CCDC47: variants seen among roughly 807,000 people sequenced by gnomAD.
CCDC47 encodes the protein PAT complex subunit CCDC47.
Under a neutral mutation model 60.5 loss-of-function variants are expected in CCDC47, and 41 were observed. That is an observed-to-expected ratio of 0.68 (90% CI 0.53 to 0.88). CCDC47 has a LOEUF of 0.88. Among genes scored for constraint, CCDC47 ranks in the 40% least tolerant of loss-of-function variants. CCDC47 has a pLI of 0.00. For synonymous variants in CCDC47, 195 were observed against 190.7 expected (o/e 1.02, Z -0.18); for missense variants, 513 against 580.9 (o/e 0.88, Z 1.20).
At chr17:63,748,633 A>T (rs2039138355) in intron 12 of CCDC47, among the ~76,000 whole-genome samples, 1 of 152,176 alleles carries the variant, frequency 6.6e-6, no homozygotes, top group Non-Finnish European at 1.5e-5. Flanking sequence ...CACATGTGTA[A>T]AACTAATGAT....
intron 1 of CCDC47, among the ~76,000 whole-genome samples, chr17:63,768,323 A>G (rs1204844612): frequency 1.3e-5 from 2 of 152,216 alleles, no homozygotes; most frequent in African/African-American, 4.8e-5. Flanking sequence ...AATATTATTT[A>G]TGATGGTGAA....
chr17:63,762,208 T>C (rs973828940), intron 4 of CCDC47: 15 of 985,254 alleles, frequency 1.5e-5, no homozygotes, highest in Non-Finnish European at 1.8e-5. Flanking sequence ...ACAAAAGAAA[T>C]TGCTCAACCT....
At chr17:63,759,935 A>T (rs1598308738) in intron 6 of CCDC47, among the ~76,000 whole-genome samples, 3 of 151,246 alleles carry the variant, frequency 2.0e-5, no homozygotes, top group Admixed American at 2.0e-4. Flanking sequence ...GTGGTGGCGG[A>T]CGCCTGTAGT....
chr17:63,766,960 A>G (rs1445330633), intron 1 of CCDC47: 2 of 983,726 alleles, frequency 2.0e-6, no homozygotes, highest in Admixed American at 6.1e-5. Context: ...CATAATTATC[A>G]TAAGAGCAAA....
chr17:63,754,949 T>C (rs1464133684), intron 8 of CCDC47, among the ~76,000 whole-genome samples: 1 of 152,074 alleles, frequency 6.6e-6, no homozygotes, highest in Non-Finnish European at 1.5e-5. Flanking sequence ...ATGTCCTTCA[T>C]TAAGACCAAA....
At chr17:63,747,805 A>T in intron 12 of CCDC47, 1 of 985,066 alleles carries the variant, frequency 1.0e-6, no homozygotes, top group Non-Finnish European at 1.2e-6. Context: ...TTAGGTTTCA[A>T]AGGGTGATTT....
rs372835120 is a variant in CCDC47, at chr17:63,751,706, T to C, written c.1371+234A>G. On this transcript the variant is annotated intron_variant, in intron 12 of 12. Transcript: ENST00000225726. ...TAATGGAATTTTCAAAATGAAATTGTGCTGGGGGAACAGGATAATACTGAT... is the reference window on the plus strand; with the variant it reads ...TAATGGAATTTTCAAAATGAAATTGCGCTGGGGGAACAGGATAATACTGAT... 24 of 584,350 alleles carry C rather than the reference T, an allele frequency of 4.1e-5. No homozygotes were observed. The East Asian group carries it at 6.4e-4, about 16-fold the overall frequency. 36.2% of individuals were successfully genotyped at this position (584,350 alleles called of 1,614,324 possible).
At chr17:63,754,791 G>A (rs752076972) in intron 8 of CCDC47, among the ~76,000 whole-genome samples, 2 of 151,340 alleles carry the variant, frequency 1.3e-5, no homozygotes, top group Non-Finnish European at 2.9e-5. Context: ...GCTGAGGCAC[G>A]AGAAGCGTTT....
chr17:63,745,984 G>C lies in CCDC47; in HGVS notation c.*897C>G, dbSNP rs1217810926. On this transcript the variant is annotated 3_prime_UTR_variant, in exon 13 of 13. Coordinates refer to ENST00000225726, the MANE Select transcript of CCDC47 (RefSeq NM_020198.3). Reference sequence around the variant, plus strand: ...GGAAAAGATAAAAGCAGAGGGAGAAGCAACGGCACACAGCCATAATATAGA... The same window carrying C: ...GGAAAAGATAAAAGCAGAGGGAGAACCAACGGCACACAGCCATAATATAGA... 3 of 152,272 alleles carry C rather than the reference G, an allele frequency of 2.0e-5. No individual in the cohort carries two copies. Among genetic ancestry groups the C allele is most frequent in the African/African-American group, 7.2e-5 (3 of 41,540 alleles). The allele number at this position is 152,272 out of a possible 1,614,324, so 9.4% of individuals were successfully genotyped here.
chr17:63,755,115 A>C (rs978837879), intron 8 of CCDC47, among the ~76,000 whole-genome samples: 1 of 151,866 alleles, frequency 6.6e-6, no homozygotes, highest in Non-Finnish European at 1.5e-5. Flanking sequence ...GGACTAAAGG[A>C]ACACACAACC....
At chr17:63,751,167 A>G (rs985814414) in intron 12 of CCDC47, among the ~76,000 whole-genome samples, 1 of 151,558 alleles carries the variant, frequency 6.6e-6, no homozygotes, top group East Asian at 1.9e-4. Context: ...AGCGTGAGCC[A>G]CTGCACCTGG....
At position 63,764,026 on chromosome 17, in the gene CCDC47, A is replaced by T. The variant is rs1175680595; in HGVS notation, c.537T>A (p.Phe179Leu). ...ATTGGCCTCACTTACCCACTAAAGT[A>T]AAGTTGCTCTCCAAAAGCTCCCTAT... Reference protein sequence around the residue: ...NTHRELLESNFTLVGDDGTNK... With the variant: ...NTHRELLESNLTLVGDDGTNK... The change falls in exon 4 of 13, where the codon TTT becomes TTA. Residue 179 changes from phenylalanine to leucine, a missense_variant. Physicochemically the swap from Phe to Leu is conservative, Grantham distance 22 (BLOSUM62 0). Transcript: ENST00000225726. The T allele has an allele frequency of 6.3e-7, 1 of 1,590,524 alleles. No homozygotes were observed. Among genetic ancestry groups the T allele is most frequent in the Non-Finnish European group, 8.5e-7 (1 of 1,172,862 alleles).
At chr17:63,761,706 A>AAG (rs1442854341) in intron 4 of CCDC47, 1 of 471,472 alleles carries the variant, frequency 2.1e-6, no homozygotes, top group African/African-American at 2.1e-5. Flanking sequence ...CAAAAAAAAA[A>AAG]AAAGGAAACA....
chr17:63,761,952 G>GA (rs2039264770), intron 4 of CCDC47: 4 of 724,316 alleles, frequency 5.5e-6, no homozygotes, highest in South Asian at 6.3e-5. Flanking sequence ...TACAAAATGG[G>GA]AAAAAAATCA....
At chr17:63,756,978 A>G (rs558589470) in intron 6 of CCDC47, among the ~76,000 whole-genome samples, 2 of 152,210 alleles carry the variant, frequency 1.3e-5, no homozygotes, top group Non-Finnish European at 2.9e-5. Context: ...TAGGGACTAC[A>G]GTAGTTCGTG....
At chr17:63,747,278 C>A (rs1210857330) in intron 12 of CCDC47, 3 of 984,806 alleles carry the variant, frequency 3.0e-6, no homozygotes, top group Non-Finnish European at 3.6e-6. Flanking sequence ...GAACACTTAG[C>A]CTGATGTTCA....
At chr17:63,764,881 C>T in intron 2 of CCDC47, 34 bp from the exon 3 acceptor site, 4 of 1,595,030 alleles carry the variant, frequency 2.5e-6, no homozygotes, top group Non-Finnish European at 3.4e-6. Flanking sequence ...TTTTCCTCTA[C>T]AAATGTCACC....
chr17:63,764,053 A>T lies in CCDC47; in HGVS notation c.510T>A (p.Thr170=). 1 of 1,607,096 alleles carries T rather than the reference A, an allele frequency of 6.2e-7. No individual in the cohort carries two copies. Among genetic ancestry groups the T allele is most frequent in the Non-Finnish European group, 8.5e-7 (1 of 1,178,332 alleles). ...AGTTGCTCTCCAAAAGCTCCCTATGAGTGTTAAACCAGGCCTGTGCAAGGC... is the reference window on the plus strand; with the variant it reads ...AGTTGCTCTCCAAAAGCTCCCTATGTGTGTTAAACCAGGCCTGTGCAAGGC... ...NSRLAQAWFN[T]HRELLESNFT... is the part of the protein sequence containing the mutation. Residue 170 remains threonine (T), a synonymous_variant, in exon 4 of 13, where the codon ACT becomes ACA. Transcript: ENST00000225726.
intron 12 of CCDC47, chr17:63,747,979 C>G (rs987104026): frequency 1.2e-5 from 2 of 162,366 alleles, no homozygotes; most frequent in East Asian, 3.8e-4. Context: ...CTTAGCCTCC[C>G]GAGTAGCTGG....
Sources: gnomAD v4.1 joint callset for allele counts (sites outside exome capture counted in the v4.1 genomes callset) on GRCh38, gnomAD v4.1.1 for gene constraint, MANE v1.5 for transcripts, NCBI Gene and HGNC (gene_info 2026-07-23, HGNC 2026-07-21) for gene names.